Variants in SH3RF3 observed in about 807,000 individuals in gnomAD.
The protein encoded by SH3RF3 is SH3 domain containing ring finger 3, also known as E3 ubiquitin-protein ligase SH3RF3.
Under a neutral mutation model 66.3 loss-of-function variants are expected in SH3RF3, and 29 were observed. The ratio of observed to expected loss-of-function variants is 0.44; its 90% CI spans 0.33 to 0.60. The LOEUF is 0.60. Among genes scored for constraint, SH3RF3 ranks in the 20% least tolerant of loss-of-function variants. The pLI, the probability that SH3RF3 is intolerant of heterozygous loss-of-function variation, is 0.04. For synonymous variants in SH3RF3, 583 were observed against 532.0 expected (o/e 1.10, Z -1.32); for missense variants, 1,194 against 1,190.9 (o/e 1.00, Z -0.04).
intron 1 of SH3RF3, among the ~76,000 whole-genome samples, chr2:109,130,333 G>A (rs1309430597): frequency 6.6e-6 from 1 of 152,220 alleles, no homozygotes; most frequent in Non-Finnish European, 1.5e-5. Context: ...CCTGTGGAGT[G>A]GGCACGCCTT....
Position 109,130,120 on chromosome 2 carries a change from ATC to A in SH3RF3, c.573+9_573+10del. The A allele has an allele frequency of 6.2e-6, 8 of 1,297,696 alleles. No homozygotes were observed. Among genetic ancestry groups the A allele is most frequent in the Non-Finnish European group, 7.8e-6 (8 of 1,026,204 alleles). 80.4% of individuals were successfully genotyped at this position (1,297,696 alleles called of 1,614,324 possible). A position where few individuals can be genotyped will look rare whatever the true frequency, so the allele number is the denominator to read the frequency against. On this transcript the variant is annotated splice_region_variant and intron_variant, in intron 1 of 9. Coordinates refer to ENST00000309415, the MANE Select transcript of SH3RF3 (RefSeq NM_001099289.3). ...GACCGCGCCGGCGGCAAAGGTGAGTATCTGTCTCGGCGGAAGTGGCCACGGCA... is the reference window on the plus strand; with the variant it reads ...GACCGCGCCGGCGGCAAAGGTGAGTATGTCTCGGCGGAAGTGGCCACGGCA...
chr2:109,189,513 C>T (rs1678289069), intron 1 of SH3RF3, among the ~76,000 whole-genome samples: 1 of 151,902 alleles, frequency 6.6e-6, no homozygotes, highest in African/African-American at 2.4e-5. Flanking sequence ...GGATTACAGG[C>T]ACACACCACC....
rs1277530234 is a variant in SH3RF3 at position 109,490,921 on chromosome 2, T to C, written c.2465T>C (p.Leu822Pro). Reference sequence around the variant, plus strand: ...GCTGCCATCCGCCCCGAGCCCAAGCTGTTGCCCAGAGAGAGGTAAGTGCAG... The same window carrying C: ...GCTGCCATCCGCCCCGAGCCCAAGCCGTTGCCCAGAGAGAGGTAAGTGCAG... ...SMAAIRPEPK[L>P]LPRERYRVVV... The change falls in exon 9 of 10, where the codon CTG (leucine) becomes CCG (proline). Residue 822 changes from leucine to proline, a missense_variant. Physicochemically the swap from Leu to Pro is moderately conservative, Grantham distance 98. Coordinates refer to ENST00000309415, the MANE Select transcript of SH3RF3 (RefSeq NM_001099289.3). The C allele has an allele frequency of 6.7e-7, 1 of 1,502,414 alleles. No homozygotes were observed. The highest frequency in any genetic ancestry group is 8.9e-7 in the Non-Finnish European group (1 of 1,125,424). The allele number at this position is 1,502,414 out of a possible 1,614,324, so 93.1% of individuals were successfully genotyped here. A position where few individuals can be genotyped will look rare whatever the true frequency, so the allele number is the denominator to read the frequency against.
intron 1 of SH3RF3, among the ~76,000 whole-genome samples, chr2:109,345,435 T>C (rs1364514088): frequency 2.0e-5 from 3 of 152,110 alleles, no homozygotes; most frequent in Non-Finnish European, 4.4e-5. Flanking sequence ...TTGTTACCAA[T>C]GGTAGCAAAA....
At chr2:109,195,012 A>G (rs915741498) in intron 1 of SH3RF3, among the ~76,000 whole-genome samples, 1 of 152,202 alleles carries the variant, frequency 6.6e-6, no homozygotes, top group Non-Finnish European at 1.5e-5. Flanking sequence ...ACAGCTTTTT[A>G]GAAGTGGGGG....
At chr2:109,334,855 G>A (rs886079067) in intron 1 of SH3RF3, among the ~76,000 whole-genome samples, 3 of 152,212 alleles carry the variant, frequency 2.0e-5, no homozygotes, top group African/African-American at 7.2e-5. Flanking sequence ...TCCAGGACAG[G>A]TGGACTACAT....
intron 1 of SH3RF3, among the ~76,000 whole-genome samples, chr2:109,168,270 A>G (rs1248049368): frequency 1.3e-5 from 2 of 152,150 alleles, no homozygotes; most frequent in African/African-American, 4.8e-5. Flanking sequence ...ATGGGGTCTG[A>G]CTGTTGGGAA....
rs1253422964 is a variant in SH3RF3, at chr2:109,265,558, C to T, written c.574-82116C>T. Among the ~76,000 whole-genome samples, 4 of 152,318 alleles carry T rather than the reference C, an allele frequency of 2.6e-5. No individual in the cohort carries two copies. The East Asian group carries it at 5.8e-4, about 22-fold the overall frequency. On this transcript the variant is annotated intron_variant, in intron 1 of 9. Transcript: ENST00000309415. ...CTGGGGTCCCTGCAAGCCCAGGTCTCCTTCAGGGCAGGTGTGGCTCTTCCT... is the reference window on the plus strand; with the variant it reads ...CTGGGGTCCCTGCAAGCCCAGGTCTTCTTCAGGGCAGGTGTGGCTCTTCCT...
At chr2:109,259,513 G>A (rs767268867) in intron 1 of SH3RF3, among the ~76,000 whole-genome samples, 1 of 152,212 alleles carries the variant, frequency 6.6e-6, no homozygotes, top group Non-Finnish European at 1.5e-5. Flanking sequence ...TGCAAAGTCA[G>A]GACTCTCCGG....
intron 1 of SH3RF3, among the ~76,000 whole-genome samples, chr2:109,323,347 A>G (rs530184864): frequency 6.6e-6 from 1 of 152,350 alleles, no homozygotes; most frequent in African/African-American, 2.4e-5. Context: ...AGATACCTGT[A>G]TGACTCCAGC....
chr2:109,306,859 G>A (rs1481441892), intron 1 of SH3RF3, among the ~76,000 whole-genome samples: 1 of 152,234 alleles, frequency 6.6e-6, no homozygotes, highest in Non-Finnish European at 1.5e-5. Context: ...TAAGCTGCAG[G>A]AGAGCCAAAG....
At chr2:109,275,085 A>AT (rs1680723036) in intron 1 of SH3RF3, among the ~76,000 whole-genome samples, 1 of 152,196 alleles carries the variant, frequency 6.6e-6, no homozygotes, top group African/African-American at 2.4e-5. Flanking sequence ...AGCTTCCACC[A>AT]TTAAAAAAAA....
chr2:109,449,205 A>G lies in SH3RF3; in HGVS notation c.1864A>G (p.Thr622Ala). ...TGCAGCCCAGGCTCAGGACCGGCCA[A>G]CTGCCACCGTGTCACCCCTGCGCAC... ...HSAAQAQDRPTATVSPLRTQN... is the reference protein window; with the variant it reads ...HSAAQAQDRPAATVSPLRTQN... The change falls in exon 8 of 10, where the codon ACT (threonine) becomes GCT (alanine). Residue 622 changes from threonine to alanine, a missense_variant. Transcript: ENST00000309415. 6.2e-7 allele frequency: 1 copy of G among 1,613,596 alleles called. No homozygotes were observed. The highest frequency in any genetic ancestry group is 8.5e-7 in the Non-Finnish European group (1 of 1,179,802).
At chr2:109,345,433 A>G (rs1200842984) in intron 1 of SH3RF3, among the ~76,000 whole-genome samples, 1 of 152,144 alleles carries the variant, frequency 6.6e-6, no homozygotes, top group East Asian at 1.9e-4. Flanking sequence ...TGTTGTTACC[A>G]ATGGTAGCAA....
intron 8 of SH3RF3, among the ~76,000 whole-genome samples, chr2:109,483,825 C>T (rs529858833): frequency 6.6e-5 from 10 of 152,260 alleles, no homozygotes; most frequent in Non-Finnish European, 8.8e-5. Context: ...TAAACTCCTC[C>T]TGTGACTGTC....
At chr2:109,149,062 A>G (rs1677169650) in intron 1 of SH3RF3, among the ~76,000 whole-genome samples, 1 of 152,076 alleles carries the variant, frequency 6.6e-6, no homozygotes, top group South Asian at 2.1e-4. Flanking sequence ...TCCTTCCTTC[A>G]GAGGCTTCAA....
At chr2:109,426,313 G>T (rs1677027211) in intron 5 of SH3RF3, among the ~76,000 whole-genome samples, 1 of 152,206 alleles carries the variant, frequency 6.6e-6, no homozygotes, top group South Asian at 2.1e-4. Flanking sequence ...CCATTCTAGG[G>T]CCATTATGAA....
chr2:109,389,338 GTC>G (rs1463428842), intron 3 of SH3RF3, among the ~76,000 whole-genome samples: 1 of 152,210 alleles, frequency 6.6e-6, no homozygotes, highest in African/African-American at 2.4e-5. Flanking sequence ...TGGAGGCAAT[GTC>G]TGTCATCTCC....
intron 5 of SH3RF3, among the ~76,000 whole-genome samples, chr2:109,426,486 T>C (rs186210448): frequency 6.6e-6 from 1 of 152,260 alleles, no homozygotes; most frequent in African/African-American, 2.4e-5. Flanking sequence ...GAATTAGAAA[T>C]TGAACCTGAA....
Sources: gnomAD v4.1 joint callset for allele counts (sites outside exome capture counted in the v4.1 genomes callset) on GRCh38, gnomAD v4.1.1 for gene constraint, MANE v1.5 for transcripts, NCBI Gene and HGNC (gene_info 2026-07-23, HGNC 2026-07-21) for gene names.